LRRTM1: variants seen among roughly 807,000 people sequenced by gnomAD.
LRRTM1 encodes the protein leucine rich repeat transmembrane neuronal 1.
In LRRTM1, 8 loss-of-function variants were observed where a neutral mutation model predicts 37.3. The observed-to-expected ratio is 0.21, with a 90% confidence interval of 0.13 to 0.39. The LOEUF is 0.39. LRRTM1 is among the 10% of genes least tolerant of loss of function. LRRTM1 has a pLI of 1.00. For missense variants in LRRTM1, 557 were observed against 691.0 expected, an observed-to-expected ratio of 0.81 and a Z score of 2.17; for synonymous variants, 326 against 316.8, an observed-to-expected ratio of 1.03 and a Z score of -0.31.
chr2:80,300,002 T>C (rs1676098441), downstream of LRRTM1, among the ~76,000 whole-genome samples: 1 of 151,950 alleles, frequency 6.6e-6, no homozygotes, highest in African/African-American at 2.4e-5. Flanking sequence ...CTAGAGGAGG[T>C]CGCTTTAGTA....
In LRRTM1 at chr2:80,303,205, G is replaced by C; in HGVS notation, c.615C>G (p.Phe205Leu). ...GCTCGGTGAGCTTAAACAAGCCGGCGAAAGAGTTGCGCGCCAGACTCTTGA... is the reference window on the plus strand; with the variant it reads ...GCTCGGTGAGCTTAAACAAGCCGGCCAAAGAGTTGCGCGCCAGACTCTTGA... ...NQLKSLARNS[F>L]AGLFKLTELH... Residue 205 changes from phenylalanine to leucine, a missense_variant, in exon 2 of 2, where the codon TTC becomes TTG. By Grantham distance (22) the Phe-to-Leu change is conservative (BLOSUM62 0). Coordinates refer to ENST00000295057, the MANE Select transcript of LRRTM1 (RefSeq NM_178839.5). The surrounding 1 kb of genome is among the most constrained non-coding windows in gnomAD (Gnocchi z 7.7). 1 of 1,613,932 alleles carries C rather than the reference G, an allele frequency of 6.2e-7. No homozygotes were observed. The highest frequency in any genetic ancestry group is 1.1e-5 in the South Asian group (1 of 91,080).
Position 80,302,623 on chromosome 2 carries a change from C to T in LRRTM1, c.1197G>A (p.Glu399=). Residue 399 remains glutamate, a synonymous_variant, in exon 2 of 2, where the codon GAG becomes GAA. Transcript: ENST00000295057. This position sits in a 1 kb window ranked among gnomAD's most constrained non-coding sequence, Gnocchi z 6.4. ...GCTCGAATGTGCCGTCGTGCTGCCC[C>T]TCCCCGCCGTCCGCGAGCGTGGTGG... ...SSATTLADGG[E]GQHDGTFEPA... The T allele has an allele frequency of 6.2e-7, 1 of 1,606,248 alleles. No individual in the cohort carries two copies. Among genetic ancestry groups the T allele is most frequent in the Non-Finnish European group, 8.5e-7 (1 of 1,178,470 alleles).
At position 80,303,250 on chromosome 2, in the gene LRRTM1, G is replaced by T; in HGVS notation, c.570C>A (p.Leu190=). 2 of 1,613,696 alleles carry T rather than the reference G, an allele frequency of 1.2e-6. No homozygotes were observed. The highest frequency in any genetic ancestry group is 2.2e-5 in the South Asian group (2 of 91,076). ...TCTTGAGCTGATTGTATCCGATGTC[G>T]AGAAACTTGAGGCTGCGGCAGTCCT... ...IFQDCRSLKF[L]DIGYNQLKSL... The change falls in exon 2 of 2, where the codon CTC becomes CTA. Residue 190 remains leucine, a synonymous_variant. Coordinates refer to ENST00000295057, the MANE Select transcript of LRRTM1 (RefSeq NM_178839.5). This position sits in a 1 kb window ranked among gnomAD's most constrained non-coding sequence, Gnocchi z 7.7.
chr2:80,289,870 T>C (rs1481695520), intron 2 of LRRTM1, among the ~76,000 whole-genome samples: 1 of 152,134 alleles, frequency 6.6e-6, no homozygotes, highest in African/African-American at 2.4e-5. Flanking sequence ...CTGCTACGGA[T>C]GATGGAGTAA....
chr2:80,294,526 T>C (rs1675564921), intron 2 of LRRTM1, among the ~76,000 whole-genome samples: 1 of 152,048 alleles, frequency 6.6e-6, no homozygotes, highest in African/African-American at 2.4e-5. Flanking sequence ...AGAGCTGCAG[T>C]CAGACTTTTG....
At chr2:80,291,312 T>C (rs193104999) in intron 2 of LRRTM1, among the ~76,000 whole-genome samples, 34 of 152,300 alleles carry the variant, frequency 2.2e-4, no homozygotes, top group Middle Eastern at 3.4e-3. Flanking sequence ...CCTAACAAAT[T>C]GGAGAACTAG....
chr2:80,292,741 T>G (rs1340181987), intron 2 of LRRTM1, among the ~76,000 whole-genome samples: 2 of 152,234 alleles, frequency 1.3e-5, no homozygotes, highest in African/African-American at 2.4e-5. Context: ...TATTGTTCAC[T>G]CCACAAATGT....
Position 80,303,063 on chromosome 2 carries a change from C to G in LRRTM1, c.757G>C (p.Asp253His). The change falls in exon 2 of 2, where the codon GAC (aspartate) becomes CAC (histidine). Residue 253 changes from aspartate (D) to histidine (H), a missense_variant. Coordinates refer to ENST00000295057, the MANE Select transcript of LRRTM1 (RefSeq NM_178839.5). This position sits in a 1 kb window ranked among gnomAD's most constrained non-coding sequence, Gnocchi z 7.7. ...NKVAIVVSSL[D>H]WVWNLEKMDL... ...ATTTTCTCCAGGTTCCAAACCCAGT[C>G]CAGCGAGCTGACCACAATGGCCACC... The G allele has an allele frequency of 1.9e-6, 3 of 1,613,978 alleles. No homozygotes were observed. Among genetic ancestry groups the G allele is most frequent in the Non-Finnish European group, 2.5e-6 (3 of 1,180,028 alleles).
downstream of LRRTM1, among the ~76,000 whole-genome samples, chr2:80,301,020 G>C (rs1056715143): frequency 1.1e-4 from 17 of 151,830 alleles, no homozygotes; most frequent in Admixed American, 7.2e-4. Flanking sequence ...TCTGTCCTGG[G>C]TTAACAAATT....
At chr2:80,293,201 C>T (rs1675418236) in intron 2 of LRRTM1, among the ~76,000 whole-genome samples, 1 of 152,152 alleles carries the variant, frequency 6.6e-6, no homozygotes, top group Non-Finnish European at 1.5e-5. Flanking sequence ...CAGCTGAAGA[C>T]AGATTGTTGC....
chr2:80,300,831 C>T (rs1676218026), downstream of LRRTM1, among the ~76,000 whole-genome samples: 1 of 151,988 alleles, frequency 6.6e-6, no homozygotes, highest in Non-Finnish European at 1.5e-5. Context: ...CTTCTCTGCA[C>T]CCACCAACTG....
chr2:80,300,949 G>GA (rs34426087), downstream of LRRTM1, among the ~76,000 whole-genome samples: 1,742 of 129,936 alleles, frequency 0.013, 23 homozygotes, highest in African/African-American at 0.023. Flanking sequence ...TCTCAACACA[G>GA]AAAAAAAAAA....
chr2:80,294,297 C>T (rs1022547064), intron 2 of LRRTM1, among the ~76,000 whole-genome samples: 1 of 152,122 alleles, frequency 6.6e-6, no homozygotes, highest in Admixed American at 6.6e-5. Flanking sequence ...TTCTAAACAG[C>T]GCTTTGTAAA....
At chr2:80,301,262 A>T (rs993051592), downstream of LRRTM1, among the ~76,000 whole-genome samples, 1 of 152,228 alleles carries the variant, frequency 6.6e-6, no homozygotes. Context: ...GTGCTCCAGA[A>T]GCACAGCTTT....
chr2:80,300,284 GTGTGTGTGTGTGT>G (rs1558981554), downstream of LRRTM1, among the ~76,000 whole-genome samples: 8 of 12,090 alleles, frequency 6.6e-4, no homozygotes, highest in Non-Finnish European at 1.1e-3. Flanking sequence ...GTGTTGGGGT[GTGTGTGTGTGTGT>G]GTGTGTGTGT....
In LRRTM1 at chr2:80,302,285, C is replaced by T. The variant is rs750901110; in HGVS notation, c.1535G>A (p.Cys512Tyr). The change falls in exon 2 of 2, where the codon TGC becomes TAC. Residue 512 changes from cysteine to tyrosine, a missense_variant. Physicochemically the swap from Cys to Tyr is radical, Grantham distance 194 (BLOSUM62 -2). Coordinates refer to ENST00000295057, the MANE Select transcript of LRRTM1 (RefSeq NM_178839.5). This position sits in a 1 kb window ranked among gnomAD's most constrained non-coding sequence, Gnocchi z 6.4. ...GCATTCCCTCGCGGGCTGCTGGTGG[C>T]AGGTACACGAGCCATACTCGTTGAT... ...VIINEYGSCT[C>Y]HQQPARECEV 1 of 1,613,838 alleles carries T rather than the reference C, an allele frequency of 6.2e-7. No homozygotes were observed. The highest frequency in any genetic ancestry group is 1.1e-5 in the South Asian group (1 of 91,044).
exon 3 of LRRTM1, chr2:80,288,913 T>G (rs1193274221): frequency 6.6e-6 from 1 of 152,218 alleles, no homozygotes; most frequent in East Asian, 1.9e-4. Context: ...TTGCTGCAGT[T>G]CAGTGCTGCT....
Position 80,303,994 on chromosome 2 carries a change from A to G in LRRTM1, c.-59-116T>C. On this transcript the variant is annotated intron_variant, in intron 1 of 1. Transcript: ENST00000295057. This position sits in a 1 kb window ranked among gnomAD's most constrained non-coding sequence, Gnocchi z 7.7. ...CCCCCTCCCCAAAAACCACACGTTCACCTCTAAGCATGCAGAAAGCTGGGC... is the reference window on the plus strand; with the variant it reads ...CCCCCTCCCCAAAAACCACACGTTCGCCTCTAAGCATGCAGAAAGCTGGGC... 1.6e-6 allele frequency: 1 copy of G among 641,020 alleles called. No homozygotes were observed. The highest frequency in any genetic ancestry group is 2.5e-6 in the Non-Finnish European group (1 of 407,452). The allele number at this position is 641,020 out of a possible 1,614,324, so 39.7% of individuals were successfully genotyped here. A position where few individuals can be genotyped will look rare whatever the true frequency, so the allele number is the denominator to read the frequency against.
At chr2:80,294,414 T>A (rs976472282) in intron 2 of LRRTM1, among the ~76,000 whole-genome samples, 3 of 151,944 alleles carry the variant, frequency 2.0e-5, no homozygotes, top group African/African-American at 7.3e-5. Flanking sequence ...GTGACTCCCT[T>A]CTCCCTGCCA....
Sources: allele counts gnomAD v4.1 joint callset (sites outside exome capture counted in the v4.1 genomes callset), GRCh38; gene constraint gnomAD v4.1.1; non-coding constraint Gnocchi (gnomAD v3.1); transcripts MANE v1.5; gene names NCBI Gene and HGNC (gene_info 2026-07-23, HGNC 2026-07-21).